The following NKAIN2 variants were observed in gnomAD, a reference collection of about 807,000 sequenced individuals.
NKAIN2 encodes sodium/potassium-transporting ATPase subunit beta-1-interacting protein 2.
Under a neutral mutation model 32.6 loss-of-function variants are expected in NKAIN2, and 14 were observed. The observed-to-expected ratio is 0.43, with a 90% CI of 0.28 to 0.67. The LOEUF (loss-of-function observed/expected upper bound fraction) is 0.67. Among genes scored for constraint, NKAIN2 ranks in the 30% least tolerant of loss-of-function variants. The pLI is 0.17. For missense variants in NKAIN2, 198 were observed against 258.3 expected, an observed-to-expected ratio of 0.77 and a Z score of 1.60; for synonymous variants, 80 against 87.2, an observed-to-expected ratio of 0.92 and a Z score of 0.46.
chr6:124,437,190 A>G (rs1775483557), intron 3 of NKAIN2, among the ~76,000 whole-genome samples: 1 of 152,152 alleles, frequency 6.6e-6, no homozygotes, highest in Non-Finnish European at 1.5e-5. Context: ...CTTAAATCAT[A>G]CTGTATAACT....
intron 2 of NKAIN2, among the ~76,000 whole-genome samples, chr6:124,297,686 C>G (rs1455737658): frequency 7.0e-6 from 1 of 142,088 alleles, no homozygotes. Flanking sequence ...AGCCTCAGAA[C>G]TGAGCTGTTT....
intron 4 of NKAIN2, among the ~76,000 whole-genome samples, chr6:124,712,403 G>A (rs917292162): frequency 8.6e-6 from 1 of 116,202 alleles, no homozygotes; most frequent in South Asian, 2.7e-4. Context: ...AATGGCGGGC[G>A]CCCCTCCCCC....
rs185413188 is a variant in NKAIN2 at position 124,066,304 on chromosome 6, C to G, written c.55-216701C>G. On this transcript the variant is annotated intron_variant, in intron 1 of 6. Transcript: ENST00000368417. The stretch of plus-strand genomic sequence containing the variant: ...CCTACTGATAATTACATTCATATTT[C>G]TGTTTCCTGAGCCATGTTATCAAGC... 3.5e-3 allele frequency among the ~76,000 whole-genome samples: 531 copies of G among 152,214 alleles called. 1 individual carries two copies. Among genetic ancestry groups the G allele is most frequent in the Non-Finnish European group, 6.4e-3 (435 of 68,000 alleles).
intron 1 of NKAIN2, among the ~76,000 whole-genome samples, chr6:124,007,641 G>C (rs1780130732): frequency 6.6e-6 from 1 of 152,104 alleles, no homozygotes; most frequent in Non-Finnish European, 1.5e-5. Context: ...GAAGTAGAAG[G>C]ATGTACAGTG....
chr6:124,006,861 A>G (rs149603207), intron 1 of NKAIN2, among the ~76,000 whole-genome samples: 247 of 152,302 alleles, frequency 1.6e-3, no homozygotes, highest in African/African-American at 5.7e-3. Context: ...CTGTTGAAGT[A>G]AACAAAAGTA....
rs117667403 is a variant in NKAIN2 at position 124,321,174 on chromosome 6, C to T, written c.193-34093C>T. On this transcript the variant is annotated intron_variant, in intron 2 of 6. Coordinates refer to ENST00000368417, the MANE Select transcript of NKAIN2 (RefSeq NM_001040214.3). ...AATCCTGCCTGCCTTCCTTTTAGCA[C>T]CTTTGCATCTGTTTTCCCATTGATT... Among the ~76,000 whole-genome samples the T allele has an allele frequency of 6.4e-3, 977 of 152,286 alleles. 9 individuals are homozygous for T. The highest frequency in any genetic ancestry group is 0.024 in the Middle Eastern group (7 of 294).
intron 1 of NKAIN2, among the ~76,000 whole-genome samples, chr6:124,193,068 A>C (rs1790112104): frequency 6.6e-6 from 1 of 152,096 alleles, no homozygotes; most frequent in African/African-American, 2.4e-5. Flanking sequence ...CATTTTAACT[A>C]ATGCATTTTG....
intron 1 of NKAIN2, among the ~76,000 whole-genome samples, chr6:124,236,278 G>T (rs1024303245): frequency 3.9e-5 from 6 of 152,058 alleles, no homozygotes; most frequent in African/African-American, 1.4e-4. Flanking sequence ...AATATAGATT[G>T]TGCTGTAATC....
intron 4 of NKAIN2, among the ~76,000 whole-genome samples, chr6:124,704,409 A>G (rs897351605): frequency 1.3e-5 from 2 of 152,052 alleles, no homozygotes; most frequent in African/African-American, 4.8e-5. Context: ...GTACAGGGTT[A>G]CAATTAAAAT....
chr6:123,817,819 G>A (rs151113170), intron 1 of NKAIN2, among the ~76,000 whole-genome samples: 3 of 152,284 alleles, frequency 2.0e-5, no homozygotes, highest in Admixed American at 6.5e-5. Context: ...TTGGAAGGTA[G>A]GTTGAGACAT....
At chr6:123,948,060 C>T (rs566814826) in intron 1 of NKAIN2, among the ~76,000 whole-genome samples, 5 of 152,144 alleles carry the variant, frequency 3.3e-5, no homozygotes, top group Admixed American at 1.3e-4. Flanking sequence ...ATAATATTTT[C>T]CAGTTTTGTC....
chr6:124,009,619 T>G (rs955374971), intron 1 of NKAIN2, among the ~76,000 whole-genome samples: 16 of 152,154 alleles, frequency 1.1e-4, no homozygotes, highest in Admixed American at 2.6e-4. Context: ...ACTTCTATAC[T>G]TGCCTTCATG....
At chr6:124,661,199 C>G (rs910347112) in intron 4 of NKAIN2, among the ~76,000 whole-genome samples, 2 of 152,194 alleles carry the variant, frequency 1.3e-5, no homozygotes, top group Non-Finnish European at 2.9e-5. Flanking sequence ...AAGAATATGG[C>G]TTATGCAGTT....
intron 3 of NKAIN2, among the ~76,000 whole-genome samples, chr6:124,555,888 T>A (rs929747233): frequency 6.6e-5 from 10 of 152,218 alleles, no homozygotes; most frequent in Non-Finnish European, 1.5e-4. Context: ...TTATCCAAGT[T>A]AAGTGAAGGT....
At chr6:124,409,241 G>A (rs1248137259) in intron 3 of NKAIN2, among the ~76,000 whole-genome samples, 2 of 152,150 alleles carry the variant, frequency 1.3e-5, no homozygotes, top group Non-Finnish European at 2.9e-5. Flanking sequence ...TTGAATAGGA[G>A]TGGCGAGAGA....
At chr6:124,325,538 T>C (rs1797375461) in intron 2 of NKAIN2, among the ~76,000 whole-genome samples, 1 of 152,090 alleles carries the variant, frequency 6.6e-6, no homozygotes, top group South Asian at 2.1e-4. Context: ...ACAGGTTAGA[T>C]GTATTCATAA....
intron 2 of NKAIN2, among the ~76,000 whole-genome samples, chr6:124,294,588 G>C (rs1880202): frequency 0.3 from 45,106 of 151,938 alleles, 9,218 homozygotes; most frequent in African/African-American, 0.58. Flanking sequence ...ATTCTTTATA[G>C]TATTTATTTC....
At chr6:124,433,109 G>A (rs984561208) in intron 3 of NKAIN2, among the ~76,000 whole-genome samples, 4 of 152,144 alleles carry the variant, frequency 2.6e-5, no homozygotes, top group Admixed American at 6.6e-5. Context: ...GAGAAAACCT[G>A]GTATGGCCTC....
intron 1 of NKAIN2, among the ~76,000 whole-genome samples, chr6:123,917,353 G>C (rs138227703): frequency 6.6e-6 from 1 of 151,846 alleles, no homozygotes; most frequent in African/African-American, 2.4e-5. Context: ...CCGTTTTTTT[G>C]AAGTTGGTAT....
Sources: gnomAD v4.1 joint callset for allele counts (sites outside exome capture counted in the v4.1 genomes callset) on GRCh38, gnomAD v4.1.1 for gene constraint, MANE v1.5 for transcripts, NCBI Gene and HGNC (gene_info 2026-07-23, HGNC 2026-07-21) for gene names.